Variants in ITGB8 observed in about 807,000 individuals in gnomAD.
The protein encoded by ITGB8 is integrin beta-8.
A neutral mutation model predicts 89.5 loss-of-function variants in ITGB8; 30 were observed. That is an observed-to-expected ratio of 0.34 (90% CI 0.25 to 0.45). The LOEUF (loss-of-function observed/expected upper bound fraction) is 0.45, where lower values mean the gene tolerates loss of function less well. Ranked by LOEUF, ITGB8 falls within the 20% of genes least tolerant of loss-of-function variation. ITGB8 has a pLI of 1.00. For missense variants in ITGB8, 836 were observed against 933.3 expected (o/e 0.90, Z 1.36); for synonymous variants, 335 against 320.4 (o/e 1.05, Z -0.49).
intron 1 of ITGB8, among the ~76,000 whole-genome samples, chr7:20,356,298 T>G (rs1295204854): frequency 2.0e-5 from 3 of 152,218 alleles, no homozygotes; most frequent in African/African-American, 7.2e-5. Flanking sequence ...TGTATTTATT[T>G]GTTTTAATTT....
chr7:20,399,045 TACTTTCTTACAGAAAAAGCAA>T (rs1787202120), intron 9 of ITGB8, 51 bp downstream of exon 9: 4 of 1,566,372 alleles, frequency 2.6e-6, no homozygotes, highest in Non-Finnish European at 3.5e-6. Flanking sequence ...TTGTTTGGCG[TACTTTCTTACAGAAAAAGCAA>T]ACCATTCTGA....
chr7:20,352,728 T>C (rs1785153077), intron 1 of ITGB8: 1 of 152,230 alleles, frequency 6.6e-6, no homozygotes, highest in African/African-American at 2.4e-5. Flanking sequence ...GTTTATTGTT[T>C]TGATTTCTCA....
chr7:20,370,602 T>TATTATTATC (rs1324822680), intron 3 of ITGB8, among the ~76,000 whole-genome samples: 1 of 147,646 alleles, frequency 6.8e-6, no homozygotes, highest in Non-Finnish European at 1.5e-5. Context: ...TTTACTTATT[T>TATTATTATC]ATTATTATTA....
At chr7:20,378,949 GTGA>G in intron 3 of ITGB8, 99 bp from the exon 4 acceptor site, 13 of 714,030 alleles carry the variant, frequency 1.8e-5, no homozygotes, top group Non-Finnish European at 2.7e-5. Flanking sequence ...GTGCAAATTT[GTGA>G]TGATTGTGCT....
intron 5 of ITGB8, 35 bp from the exon 6 acceptor site, chr7:20,381,692 A>C: frequency 2.0e-6 from 3 of 1,510,232 alleles, no homozygotes; most frequent in Non-Finnish European, 2.7e-6. Context: ...CATCTGTGTT[A>C]TTGTACAAAG....
At chr7:20,392,448 A>G (rs180923649) in intron 7 of ITGB8, among the ~76,000 whole-genome samples, 21 of 152,282 alleles carry the variant, frequency 1.4e-4, no homozygotes, top group African/African-American at 5.1e-4. Flanking sequence ...CAGTTTCCCT[A>G]TTACCTACCT....
intron 3 of ITGB8, among the ~76,000 whole-genome samples, chr7:20,367,971 C>T (rs1464993835): frequency 6.6e-6 from 1 of 152,172 alleles, no homozygotes; most frequent in South Asian, 2.1e-4. Context: ...TAGTTTAACG[C>T]AGTTCACAAT....
chr7:20,405,997 A>G, intron 11 of ITGB8, 65 bp from the exon 12 acceptor site: 1 of 957,172 alleles, frequency 1.0e-6, no homozygotes, highest in Middle Eastern at 2.1e-4. Context: ...TTTTTCTTGC[A>G]GAAAATATTA....
chr7:20,362,624 C>G (rs910435125), intron 1 of ITGB8, among the ~76,000 whole-genome samples: 1 of 152,170 alleles, frequency 6.6e-6, no homozygotes, highest in Non-Finnish European at 1.5e-5. Context: ...TTATATATGT[C>G]TCTTCTCTTC....
chr7:20,359,315 AT>A (rs1785412766), intron 1 of ITGB8, among the ~76,000 whole-genome samples: 1 of 152,170 alleles, frequency 6.6e-6, no homozygotes, highest in Non-Finnish European at 1.5e-5. Flanking sequence ...TCAATAAAAA[AT>A]AATCCTTATT....
In ITGB8 at chr7:20,336,000, CT is replaced by C. The variant is rs201113693; in HGVS notation, c.127+4090del. On this transcript the variant is annotated intron_variant, in intron 1 of 13. Coordinates refer to ENST00000222573, the MANE Select transcript of ITGB8 (RefSeq NM_002214.3). The stretch of plus-strand genomic sequence containing the variant: ...ACTTCTCTGATCCAGTCTTGGTTTT[CT>C]TTTTTTTTTTTTTTTTTTTTTTGAG... Among the ~76,000 whole-genome samples the C allele has an allele frequency of 2.4e-3, 232 of 96,366 alleles. 1 individual carries two copies. The highest frequency in any genetic ancestry group is 9.1e-3 in the African/African-American group (218 of 23,972). The allele number at this position is 96,366 out of a possible 152,430, so 63.2% of individuals were successfully genotyped here. A position where few individuals can be genotyped will look rare whatever the true frequency, so the allele number is the denominator to read the frequency against.
Position 20,377,921 on chromosome 7 carries a change from A to T in ITGB8, c.389-1130A>T, listed in dbSNP as rs185646424. On this transcript the variant is annotated intron_variant, in intron 3 of 13. Coordinates refer to ENST00000222573, the MANE Select transcript of ITGB8 (RefSeq NM_002214.3). ...TTGCTATTTTATGCTAACACCAAAA[A>T]TATAATTTGATAAATTAGAAGGTTC... Among the ~76,000 whole-genome samples the T allele has an allele frequency of 7.9e-5, 12 of 152,368 alleles. 1 individual carries two copies. The highest frequency in any genetic ancestry group is 2.9e-4 in the African/African-American group (12 of 41,584).
At chr7:20,363,303 A>G (rs2127943008) in intron 1 of ITGB8, among the ~76,000 whole-genome samples, 1 of 152,318 alleles carries the variant, frequency 6.6e-6, no homozygotes, top group East Asian at 1.9e-4. Context: ...GAAACTTACT[A>G]AACTTTCTAA....
chr7:20,375,004 G>C (rs1415133602), intron 3 of ITGB8, among the ~76,000 whole-genome samples: 1 of 152,180 alleles, frequency 6.6e-6, no homozygotes, highest in Non-Finnish European at 1.5e-5. Context: ...GGATGGATAG[G>C]AGTATATCCC....
Position 20,401,956 on chromosome 7 carries a change from TTTC to T in ITGB8, c.1522_1524del (p.Ser508del). On this transcript the variant is annotated inframe_deletion, in exon 10 of 14. Transcript: ENST00000222573. ...AAATGTCATTTTGATGAAGATCAGT[TTTC>T]TTCTGAGAGTTGCAAGTCACACAAG... The T allele has an allele frequency of 6.2e-7, 1 of 1,614,194 alleles. No homozygotes were observed.
At chr7:20,353,014 A>G (rs1173005963) in intron 1 of ITGB8, 2 of 152,208 alleles carry the variant, frequency 1.3e-5, no homozygotes, top group African/African-American at 2.4e-5. Context: ...GCCCATTTCA[A>G]CACCATGGGT....
chr7:20,384,197 A>C (rs888688245), intron 6 of ITGB8, among the ~76,000 whole-genome samples: 5 of 152,154 alleles, frequency 3.3e-5, no homozygotes, highest in African/African-American at 1.2e-4. Context: ...GAGGAATTTT[A>C]AATTTTGTTT....
At chr7:20,408,292 C>G (rs1334732776) in intron 12 of ITGB8, among the ~76,000 whole-genome samples, 1 of 150,880 alleles carries the variant, frequency 6.6e-6, no homozygotes, top group Non-Finnish European at 1.5e-5. Context: ...CCTGTAGCAA[C>G]AGAGACCTGC....
At chr7:20,386,202 T>C (rs548637835) in intron 6 of ITGB8, among the ~76,000 whole-genome samples, 6 of 151,976 alleles carry the variant, frequency 3.9e-5, no homozygotes, top group Non-Finnish European at 7.4e-5. Context: ...TGATTTCAGC[T>C]TGCTGAATGA....
Sources: gnomAD v4.1 joint callset for allele counts (sites outside exome capture counted in the v4.1 genomes callset) on GRCh38, gnomAD v4.1.1 for gene constraint, MANE v1.5 for transcripts, NCBI Gene and HGNC (gene_info 2026-07-23, HGNC 2026-07-21) for gene names.